Variants in OR51Q1 observed in about 807,000 individuals in gnomAD.
OR51Q1 encodes olfactory receptor 51Q1.
For synonymous variants in OR51Q1, 187 were observed against 151.7 expected (o/e 1.23, Z -1.71); for missense variants, 501 against 397.1 (o/e 1.26, Z -2.22).
chr11:5,422,846 A>T lies in OR51Q1; in HGVS notation c.646A>T (p.Ile216Phe). Reference protein sequence around the residue: ...LLIIIVDPLLIVISYTLILKN... With the variant: ...LLIIIVDPLLFVISYTLILKN... ...CATTATTATCGTGGATCCTCTGCTC[A>T]TTGTGATCTCCTATACACTTATTCT... Residue 216 changes from isoleucine (I) to phenylalanine (F), a missense_variant, in exon 1 of 1, where the codon ATT becomes TTT. Ile to Phe is a conservative substitution (Grantham distance 21). Coordinates refer to ENST00000300778, the MANE Select transcript of OR51Q1 (RefSeq NM_001004757.2). The T allele has an allele frequency of 6.2e-7, 1 of 1,614,130 alleles. No homozygotes were observed. The highest frequency in any genetic ancestry group is 8.5e-7 in the Non-Finnish European group (1 of 1,180,028).
Position 5,422,669 on chromosome 11 carries a change from G to A in OR51Q1, c.469G>A (p.Ala157Thr), listed in dbSNP as rs1850365347. Residue 157 changes from alanine to threonine, a missense_variant, in exon 1 of 1, where the codon GCG becomes ACG. Transcript: ENST00000300778. ...AGCCATCATTTGCTGCTGTGTTCTG[G>A]CGGTTCTTCCCTCCCTTTTCTTACT... ...GLAIICCCVL[A>T]VLPSLFLLKR... 1 of 1,614,004 alleles carries A rather than the reference G, an allele frequency of 6.2e-7. No individual in the cohort carries two copies. The highest frequency in any genetic ancestry group is 2.2e-5 in the East Asian group (1 of 44,872).
At position 5,422,219 on chromosome 11, in the gene OR51Q1, A is replaced by G. The variant is rs958974743; in HGVS notation, c.19A>G (p.Thr7Ala). Residue 7 changes from threonine to alanine, a missense_variant, in exon 1 of 1, where the codon ACC becomes GCC. By Grantham distance (58) the Thr-to-Ala change is moderately conservative (BLOSUM62 0). Coordinates refer to ENST00000300778, the MANE Select transcript of OR51Q1 (RefSeq NM_001004757.2). MSQVTN[T>A]TQEGIYFILT... ...ATCAGTCATGTCCCAGGTGACTAAC[A>G]CCACACAAGAAGGCATCTACTTCAT... 1 of 1,611,538 alleles carries G rather than the reference A, an allele frequency of 6.2e-7. No homozygotes were observed. The highest frequency in any genetic ancestry group is 8.5e-7 in the Non-Finnish European group (1 of 1,178,612).
In OR51Q1 at chr11:5,422,655, G is replaced by C. The variant is rs1201199939; in HGVS notation, c.455G>C (p.Cys152Ser). ...VIGRTGLAII[C>S]CCVLAVLPSL... is the part of the protein sequence containing the mutation. The stretch of plus-strand genomic sequence containing the variant: ...GGTAGAACTGGGTTAGCCATCATTT[G>C]CTGCTGTGTTCTGGCGGTTCTTCCC... The change falls in exon 1 of 1, where the codon TGC becomes TCC. Residue 152 changes from cysteine to serine, a missense_variant. By Grantham distance (112) the Cys-to-Ser change is moderately radical (BLOSUM62 -1). Coordinates refer to ENST00000300778, the MANE Select transcript of OR51Q1 (RefSeq NM_001004757.2). 2.5e-6 allele frequency: 4 copies of C among 1,613,900 alleles called. No homozygotes were observed. In the African/African-American group the frequency reaches 5.3e-5, roughly 22 times the overall value.
At position 5,422,259 on chromosome 11, in the gene OR51Q1, C is replaced by G; in HGVS notation, c.59C>G (p.Pro20Arg). 1 of 1,614,118 alleles carries G rather than the reference C, an allele frequency of 6.2e-7. No homozygotes were observed. The highest frequency in any genetic ancestry group is 8.5e-7 in the Non-Finnish European group (1 of 1,179,984). The change falls in exon 1 of 1, where the codon CCT (proline) becomes CGT (arginine). Residue 20 changes from proline (P) to arginine (R), a missense_variant. By Grantham distance (103) the Pro-to-Arg change is moderately radical. Transcript: ENST00000300778. Reference protein sequence around the residue: ...EGIYFILTDIPGFEASHIWIS... With the variant: ...EGIYFILTDIRGFEASHIWIS... Reference sequence around the variant, plus strand: ...ATCTACTTCATCCTCACGGACATCCCTGGATTTGAGGCCTCCCACATCTGG... The same window carrying G: ...ATCTACTTCATCCTCACGGACATCCGTGGATTTGAGGCCTCCCACATCTGG...
Position 5,423,203 on chromosome 11 carries a change from G to A in OR51Q1, c.*49G>A, listed in dbSNP as rs767486290. On this transcript the variant is annotated 3_prime_UTR_variant, in exon 1 of 1. Transcript: ENST00000300778. The stretch of plus-strand genomic sequence containing the variant: ...GACAAGTATGAGTCATAGGCTTAAG[G>A]GGGGAATATATTCAGAATTAGGAAA... The A allele has an allele frequency of 1.4e-6, 2 of 1,479,790 alleles. No individual in the cohort carries two copies. Among genetic ancestry groups the A allele is most frequent in the Non-Finnish European group, 1.8e-6 (2 of 1,111,288 alleles). 91.7% of individuals were successfully genotyped at this position (1,479,790 alleles called of 1,614,324 possible).
chr11:5,422,125 G>A lies in OR51Q1; in HGVS notation c.-76G>A, dbSNP rs1850348661. 5.2e-6 allele frequency: 6 copies of A among 1,156,356 alleles called. No individual in the cohort carries two copies. The East Asian group carries it at 7.1e-5, about 14-fold the overall frequency. 71.6% of individuals were successfully genotyped at this position (1,156,356 alleles called of 1,614,324 possible). Reference sequence around the variant, plus strand: ...TTGTGTAGAATTTGGATTAAATGGGGCAAAGAGATATTATTTCTAATGTTT... The same window carrying A: ...TTGTGTAGAATTTGGATTAAATGGGACAAAGAGATATTATTTCTAATGTTT... On this transcript the variant is annotated 5_prime_UTR_variant, in exon 1 of 1. Coordinates refer to ENST00000300778, the MANE Select transcript of OR51Q1 (RefSeq NM_001004757.2).
chr11:5,422,166 T>C lies in OR51Q1; in HGVS notation c.-35T>C, dbSNP rs1020837159. ...TCTAATGTTTCTTTTTCTCCCTGAG[T>C]GAAGATCCTGAATCTGAAGACACAT... On this transcript the variant is annotated 5_prime_UTR_variant, in exon 1 of 1. The change abolishes the stop of an existing upstream ORF in the 5' untranslated region. Coordinates refer to ENST00000300778, the MANE Select transcript of OR51Q1 (RefSeq NM_001004757.2). 6.9e-7 allele frequency: 1 copy of C among 1,452,762 alleles called. No individual in the cohort carries two copies. The highest frequency in any genetic ancestry group is 9.4e-7 in the Non-Finnish European group (1 of 1,061,046). The allele number at this position is 1,452,762 out of a possible 1,614,324, so 90.0% of individuals were successfully genotyped here. A position where few individuals can be genotyped will look rare whatever the true frequency, so the allele number is the denominator to read the frequency against.
In OR51Q1 at chr11:5,422,113, G is replaced by T; in HGVS notation, c.-88G>T. The T allele has an allele frequency of 9.7e-7, 1 of 1,028,366 alleles. No homozygotes were observed. Among genetic ancestry groups the T allele is most frequent in the Non-Finnish European group, 1.4e-6 (1 of 694,896 alleles). The allele number at this position is 1,028,366 out of a possible 1,614,324, so 63.7% of individuals were successfully genotyped here. A position where few individuals can be genotyped will look rare whatever the true frequency, so the allele number is the denominator to read the frequency against. ...CTGAACATTTATTTGTGTAGAATTT[G>T]GATTAAATGGGGCAAAGAGATATTA... On this transcript the variant is annotated 5_prime_UTR_variant, in exon 1 of 1. Coordinates refer to ENST00000300778, the MANE Select transcript of OR51Q1 (RefSeq NM_001004757.2).
In OR51Q1 at chr11:5,422,947, T is replaced by C; in HGVS notation, c.747T>C (p.Ala249=). The C allele has an allele frequency of 6.2e-7, 1 of 1,614,128 alleles. No homozygotes were observed. The highest frequency in any genetic ancestry group is 1.6e-4 in the Middle Eastern group (1 of 6,062). Residue 249 remains alanine (A), a synonymous_variant, in exon 1 of 1, where the codon GCT becomes GCC. Transcript: ENST00000300778. ...ALNNCLSHIL[A]VLVLYIPMVG... The stretch of plus-strand genomic sequence containing the variant: ...ATAACTGCCTGTCCCACATTCTAGC[T>C]GTCCTGGTCCTCTACATTCCCATGG...
At position 5,422,671 on chromosome 11, in the gene OR51Q1, G is replaced by T. The variant is rs774266998; in HGVS notation, c.471G>T (p.Ala157=). 6.2e-6 allele frequency: 10 copies of T among 1,613,986 alleles called. No individual in the cohort carries two copies. The highest frequency in any genetic ancestry group is 8.5e-6 in the Non-Finnish European group (10 of 1,179,994). ...CCATCATTTGCTGCTGTGTTCTGGC[G>T]GTTCTTCCCTCCCTTTTCTTACTCA... is the stretch of plus-strand genomic sequence containing the variant. ...GLAIICCCVL[A]VLPSLFLLKR... The change falls in exon 1 of 1, where the codon GCG becomes GCT. Residue 157 remains alanine (A), a synonymous_variant. Transcript: ENST00000300778.
In OR51Q1 at chr11:5,422,640, G is replaced by C. The variant is rs778262954; in HGVS notation, c.440G>C (p.Gly147Ala). 1 of 1,613,870 alleles carries C rather than the reference G, an allele frequency of 6.2e-7. No homozygotes were observed. Among genetic ancestry groups the C allele is most frequent in the Admixed American group, 1.7e-5 (1 of 59,986 alleles). Residue 147 changes from glycine (G) to alanine (A), a missense_variant, in exon 1 of 1, where the codon GGG becomes GCG. Physicochemically the swap from Gly to Ala is moderately conservative, Grantham distance 60. Coordinates refer to ENST00000300778, the MANE Select transcript of OR51Q1 (RefSeq NM_001004757.2). ...ACCAATGAAGTCATTGGTAGAACTGGGTTAGCCATCATTTGCTGCTGTGTT... is the reference window on the plus strand; with the variant it reads ...ACCAATGAAGTCATTGGTAGAACTGCGTTAGCCATCATTTGCTGCTGTGTT... ...ILTNEVIGRT[G>A]LAIICCCVLA...
In OR51Q1 at chr11:5,422,739, A is replaced by G. The variant is rs58283839; in HGVS notation, c.539A>G (p.Tyr180Cys). ...CACTCCCACCTTCTCTCTCGCTCCTATTGCCTCCACCAGGATATGATCCGC... is the reference window on the plus strand; with the variant it reads ...CACTCCCACCTTCTCTCTCGCTCCTGTTGCCTCCACCAGGATATGATCCGC... Reference protein sequence around the residue: ...FCHSHLLSRSYCLHQDMIRLV... With the variant: ...FCHSHLLSRSCCLHQDMIRLV... The change falls in exon 1 of 1, where the codon TAT (tyrosine) becomes TGT (cysteine). Residue 180 changes from tyrosine (Y) to cysteine (C), a missense_variant. By Grantham distance (194) the Tyr-to-Cys change is radical. Transcript: ENST00000300778. The G allele has an allele frequency of 5.0e-6, 8 of 1,613,700 alleles. No individual in the cohort carries two copies. The highest frequency in any genetic ancestry group is 1.6e-4 in the Middle Eastern group (1 of 6,062).
At position 5,422,473 on chromosome 11, in the gene OR51Q1, T is replaced by C. The variant is rs1247775168; in HGVS notation, c.273T>C (p.Val91=). Residue 91 remains valine, a synonymous_variant, in exon 1 of 1, where the codon GTT becomes GTC. Coordinates refer to ENST00000300778, the MANE Select transcript of OR51Q1 (RefSeq NM_001004757.2). The stretch of plus-strand genomic sequence containing the variant: ...TCATGCAGCTTCTCTGGTTCAACGT[T>C]CGTAGAATCAGCTCTGAGGCCTGTT... ...PTVMQLLWFN[V]RRISSEACFA... 4.3e-6 allele frequency: 7 copies of C among 1,614,190 alleles called. No individual in the cohort carries two copies. The highest frequency in any genetic ancestry group is 5.9e-6 in the Non-Finnish European group (7 of 1,180,038).
At position 5,423,129 on chromosome 11, in the gene OR51Q1, C is replaced by T; in HGVS notation, c.929C>T (p.Ser310Phe). 6.3e-7 allele frequency: 1 copy of T among 1,599,292 alleles called. No homozygotes were observed. The change falls in exon 1 of 1, where the codon TCC (serine) becomes TTC (phenylalanine). Residue 310 changes from serine (S) to phenylalanine (F), a missense_variant. By Grantham distance (155) the Ser-to-Phe change is radical. Coordinates refer to ENST00000300778, the MANE Select transcript of OR51Q1 (RefSeq NM_001004757.2). ...CAATGGGGAATGTTAAATTTCCTTT[C>T]CCTCAAAAATATGCATTCAAGATGA... Reference protein sequence around the residue: ...QIQWGMLNFLSLKNMHSR With the variant: ...QIQWGMLNFLFLKNMHSR
rs369060556 is a variant in OR51Q1, at chr11:5,422,338, C to T, written c.138C>T (p.Thr46=). ...CCATCTCCATCATGGGCAATACCACCATCCTCACTGTCATTCGCACAGAGC... is the reference window on the plus strand; with the variant it reads ...CCATCTCCATCATGGGCAATACCACTATCCTCACTGTCATTCGCACAGAGC... ...LYTISIMGNT[T]ILTVIRTEPS... is the part of the protein sequence containing the mutation. Residue 46 remains threonine (T), a synonymous_variant, in exon 1 of 1, where the codon ACC becomes ACT. Transcript: ENST00000300778. 22 of 1,614,042 alleles carry T rather than the reference C, an allele frequency of 1.4e-5. No individual in the cohort carries two copies. In the African/African-American group the frequency reaches 1.9e-4, roughly 14 times the overall value.
In OR51Q1 at chr11:5,422,509, T is replaced by A. The variant is rs2736587; in HGVS notation, c.309T>A (p.Phe103Leu). ...RISSEACFAQ[F>L]FFLHGFSFME... is the part of the protein sequence containing the mutation. The stretch of plus-strand genomic sequence containing the variant: ...GCTCTGAGGCCTGTTTTGCTCAGTT[T>A]TTCTTCCTTCATGGATTCTCCTTTA... The change falls in exon 1 of 1, where the codon TTT (phenylalanine) becomes TTA (leucine). Residue 103 changes from phenylalanine (F) to leucine (L), a missense_variant. Physicochemically the swap from Phe to Leu is conservative, Grantham distance 22 (BLOSUM62 0). Coordinates refer to ENST00000300778, the MANE Select transcript of OR51Q1 (RefSeq NM_001004757.2). 1 of 1,613,900 alleles carries A rather than the reference T, an allele frequency of 6.2e-7. No homozygotes were observed. The highest frequency in any genetic ancestry group is 8.5e-7 in the Non-Finnish European group (1 of 1,179,958).
At position 5,423,137 on chromosome 11, in the gene OR51Q1, A is replaced by C; in HGVS notation, c.937A>C (p.Asn313His). ...AATGTTAAATTTCCTTTCCCTCAAA[A>C]ATATGCATTCAAGATGAGGGAATGC... ...WGMLNFLSLK[N>H]MHSR Residue 313 changes from asparagine to histidine, a missense_variant, in exon 1 of 1, where the codon AAT (asparagine) becomes CAT (histidine). Transcript: ENST00000300778. The C allele has an allele frequency of 6.3e-7, 1 of 1,597,530 alleles. No individual in the cohort carries two copies. The highest frequency in any genetic ancestry group is 8.6e-7 in the Non-Finnish European group (1 of 1,167,560).
In OR51Q1 at chr11:5,422,529, C is replaced by T. The variant is rs1034492458; in HGVS notation, c.329C>T (p.Ser110Phe). ...FAQFFFLHGF[S>F]FMESSVLLAM... ...CAGTTTTTCTTCCTTCATGGATTCT[C>T]CTTTATGGAGTCTTCTGTCCTCCTG... The change falls in exon 1 of 1, where the codon TCC becomes TTC. Residue 110 changes from serine to phenylalanine, a missense_variant. Ser to Phe is a radical substitution (Grantham distance 155, BLOSUM62 -2). Coordinates refer to ENST00000300778, the MANE Select transcript of OR51Q1 (RefSeq NM_001004757.2). The T allele has an allele frequency of 1.7e-5, 28 of 1,614,042 alleles. No individual in the cohort carries two copies. Among genetic ancestry groups the T allele is most frequent in the Non-Finnish European group, 2.3e-5 (27 of 1,180,022 alleles).
At position 5,422,445 on chromosome 11, in the gene OR51Q1, C is replaced by T; in HGVS notation, c.245C>T (p.Thr82Ile). 1 of 1,614,208 alleles carries T rather than the reference C, an allele frequency of 6.2e-7. No individual in the cohort carries two copies. Among genetic ancestry groups the T allele is most frequent in the Non-Finnish European group, 8.5e-7 (1 of 1,180,026 alleles). The change falls in exon 1 of 1, where the codon ACA (threonine) becomes ATA (isoleucine). Residue 82 changes from threonine (T) to isoleucine (I), a missense_variant. Thr to Ile is a moderately conservative substitution (Grantham distance 89). Coordinates refer to ENST00000300778, the MANE Select transcript of OR51Q1 (RefSeq NM_001004757.2). ...GGTCTCACCCTCACCACCCTACCCACAGTCATGCAGCTTCTCTGGTTCAAC... is the reference window on the plus strand; with the variant it reads ...GGTCTCACCCTCACCACCCTACCCATAGTCATGCAGCTTCTCTGGTTCAAC... ...DLGLTLTTLP[T>I]VMQLLWFNVR...
Sources: allele counts gnomAD v4.1 joint callset, GRCh38; gene constraint gnomAD v4.1.1; transcripts MANE v1.5; gene names NCBI Gene and HGNC (gene_info 2026-07-23, HGNC 2026-07-21).